FYB2: variants seen among roughly 807,000 people sequenced by gnomAD.
FYB2 encodes the protein FYN binding protein 2.
Under a neutral mutation model 94.1 loss-of-function variants are expected in FYB2, and 103 were observed. That is an observed-to-expected ratio of 1.09 (90% CI 0.93 to 1.29). The LOEUF is 1.29. Among genes scored for constraint, FYB2 ranks in the 50% most tolerant of loss-of-function variants. The pLI, the probability that FYB2 is intolerant of heterozygous loss-of-function variation, is 0.00. For synonymous variants in FYB2, 293 were observed against 287.9 expected, an observed-to-expected ratio of 1.02 and a Z score of -0.18; for missense variants, 896 against 841.5, an observed-to-expected ratio of 1.06 and a Z score of -0.80.
chr1:56,779,046 GT>G (rs1217647334), intron 4 of FYB2, among the ~76,000 whole-genome samples: 1 of 152,080 alleles, frequency 6.6e-6, no homozygotes, highest in Non-Finnish European at 1.5e-5. Flanking sequence ...GAAGTTTGTT[GT>G]GTTTGATGAT....
At chr1:56,821,299 G>A (rs1216657247), upstream of FYB2, among the ~76,000 whole-genome samples, 1 of 152,182 alleles carries the variant, frequency 6.6e-6, no homozygotes, top group East Asian at 1.9e-4. Flanking sequence ...CTTCCTGGGA[G>A]GTCTGCGCAT....
intron 1 of FYB2, among the ~76,000 whole-genome samples, chr1:56,808,502 CT>C (rs1435022721): frequency 3.3e-5 from 5 of 152,168 alleles, no homozygotes; most frequent in Non-Finnish European, 7.3e-5. Context: ...AAAGCCAGAC[CT>C]TCTTGTGAGA....
chr1:56,725,124 A>T (rs543520359), intron 16 of FYB2, among the ~76,000 whole-genome samples: 2 of 152,182 alleles, frequency 1.3e-5, no homozygotes, highest in South Asian at 2.1e-4. Flanking sequence ...TGCCAATGTC[A>T]TGCTTCTTGT....
chr1:56,725,300 A>G (rs927791506), intron 16 of FYB2, among the ~76,000 whole-genome samples: 2 of 152,136 alleles, frequency 1.3e-5, no homozygotes, highest in African/African-American at 4.8e-5. Context: ...AAAAGGGTTG[A>G]ACTAATACTT....
chr1:56,809,067 G>A (rs1646707548), intron 1 of FYB2, among the ~76,000 whole-genome samples: 2 of 152,236 alleles, frequency 1.3e-5, no homozygotes, highest in South Asian at 4.1e-4. Flanking sequence ...TGTGATCACA[G>A]AGACCATTCA....
chr1:56,816,429 T>A (rs1296950848), intron 1 of FYB2, among the ~76,000 whole-genome samples: 1 of 152,180 alleles, frequency 6.6e-6, no homozygotes, highest in South Asian at 2.1e-4. Flanking sequence ...AGTGTTCTCA[T>A]AAATGAGGTA....
At chr1:56,721,971 A>G (rs991920668) in intron 17 of FYB2, among the ~76,000 whole-genome samples, 8 of 152,080 alleles carry the variant, frequency 5.3e-5, no homozygotes, top group African/African-American at 1.9e-4. Context: ...AATTATTGAA[A>G]TGGCCTATCA....
chr1:56,765,953 G>C (rs1211189705), intron 5 of FYB2, among the ~76,000 whole-genome samples: 1 of 152,166 alleles, frequency 6.6e-6, no homozygotes, highest in Non-Finnish European at 1.5e-5. Flanking sequence ...TACTTGCAGG[G>C]GGGTGGATTC....
At chr1:56,735,938 A>C (rs1051872069) in intron 15 of FYB2, among the ~76,000 whole-genome samples, 1 of 152,162 alleles carries the variant, frequency 6.6e-6, no homozygotes, top group Non-Finnish European at 1.5e-5. Flanking sequence ...ATATAGTTTT[A>C]AATAGCTAGA....
intron 9 of FYB2, among the ~76,000 whole-genome samples, chr1:56,744,844 C>A (rs1645034142): frequency 6.6e-6 from 1 of 151,978 alleles, no homozygotes; most frequent in Non-Finnish European, 1.5e-5. Context: ...TTGTCATAAC[C>A]ATAAAACTGC....
intron 1 of FYB2, among the ~76,000 whole-genome samples, chr1:56,796,561 A>T (rs1646402882): frequency 6.6e-6 from 1 of 152,028 alleles, no homozygotes. Context: ...TTAAAAACAA[A>T]TCTGATCATG....
intron 16 of FYB2, 98 bp downstream of exon 16, chr1:56,726,399 T>C: frequency 2.7e-6 from 3 of 1,106,574 alleles, no homozygotes; most frequent in Non-Finnish European, 3.9e-6. Flanking sequence ...ATGAAACAGC[T>C]GAGAATCAAA....
chr1:56,736,936 T>C, intron 15 of FYB2, 151 bp downstream of exon 15: 1 of 647,752 alleles, frequency 1.5e-6, no homozygotes, highest in Non-Finnish European at 2.6e-6. Context: ...TGTTATTCAG[T>C]GTTTTCCCCT....
intron 1 of FYB2, among the ~76,000 whole-genome samples, chr1:56,809,517 C>T (rs1254025423): frequency 6.6e-6 from 1 of 152,134 alleles, no homozygotes; most frequent in East Asian, 1.9e-4. Flanking sequence ...TGCTTTTGCA[C>T]ACATGTCACT....
chr1:56,725,494 C>CTTAT (rs1341380216), intron 16 of FYB2, among the ~76,000 whole-genome samples: 9 of 151,950 alleles, frequency 5.9e-5, no homozygotes, highest in African/African-American at 2.2e-4. Flanking sequence ...CCTAAGAAGA[C>CTTAT]TTATTTGTAG....
chr1:56,786,629 C>T (rs564498546), intron 4 of FYB2, among the ~76,000 whole-genome samples: 27 of 152,170 alleles, frequency 1.8e-4, no homozygotes, highest in Admixed American at 8.5e-4. Flanking sequence ...GTATCTTGAG[C>T]TGTAAAATGT....
chr1:56,817,733 C>G (rs562491949), intron 1 of FYB2, among the ~76,000 whole-genome samples: 1 of 152,102 alleles, frequency 6.6e-6, no homozygotes, highest in South Asian at 2.1e-4. Context: ...ATTTTTTTCT[C>G]TCTCTGAGCA....
intron 15 of FYB2, among the ~76,000 whole-genome samples, chr1:56,728,272 G>C (rs1368297092): frequency 6.6e-6 from 1 of 151,924 alleles, no homozygotes; most frequent in Non-Finnish European, 1.5e-5. Context: ...TGTCTTTCCT[G>C]TTTCAGCTTG....
intron 14 of FYB2, 140 bp downstream of exon 14, chr1:56,738,485 G>T: frequency 1.2e-6 from 1 of 846,970 alleles, no homozygotes; most frequent in Non-Finnish European, 1.8e-6. Context: ...ATACTTCCGT[G>T]TGAAACATCT....
Sources: gnomAD v4.1 joint callset for allele counts (sites outside exome capture counted in the v4.1 genomes callset) on GRCh38, gnomAD v4.1.1 for gene constraint, MANE v1.5 for transcripts, NCBI Gene and HGNC (gene_info 2026-07-23, HGNC 2026-07-21) for gene names.